Variants in PKD1L1 observed in about 807,000 individuals in gnomAD.
PKD1L1 encodes the protein polycystin-1-like protein 1.
Under a neutral mutation model 323.4 loss-of-function variants are expected in PKD1L1, and 236 were observed. That is an observed-to-expected ratio of 0.73 (90% CI 0.66 to 0.81). PKD1L1 has a LOEUF of 0.81. Among genes scored for constraint, PKD1L1 ranks in the 40% least tolerant of loss-of-function variants. The pLI is 0.00. For missense variants in PKD1L1, 3,320 were observed against 3,508.0 expected, an observed-to-expected ratio of 0.95 and a Z score of 1.35; for synonymous variants, 1,344 against 1,335.0, an observed-to-expected ratio of 1.01 and a Z score of -0.15.
intron 21 of PKD1L1, among the ~76,000 whole-genome samples, chr7:47,880,284 A>ATATATATTTTTTTTTTTTT (rs1225214936): frequency 7.0e-5 from 4 of 56,776 alleles, no homozygotes; most frequent in Non-Finnish European, 1.1e-4. Context: ...ATATATATAT[A>ATATATATTTTTTTTTTTTT]TTTTTTTTTT....
chr7:47,892,628 C>T (rs1786846161), intron 15 of PKD1L1, among the ~76,000 whole-genome samples: 1 of 152,160 alleles, frequency 6.6e-6, no homozygotes, highest in South Asian at 2.1e-4. Context: ...GGAATGGTTA[C>T]ATTAACAGTC....
At chr7:47,813,076 GC>G (rs778100382) in intron 49 of PKD1L1, 44 bp downstream of exon 49, 1 of 1,582,892 alleles carries the variant, frequency 6.3e-7, no homozygotes, top group South Asian at 1.2e-5. Context: ...AGCTGGAGTG[GC>G]GGTGGCAGGC....
In PKD1L1 at chr7:47,803,329, G is replaced by C; in HGVS notation, c.7843C>G (p.Arg2615Gly). The change falls in exon 53 of 57, where the codon CGG (arginine) becomes GGG (glycine). Residue 2615 changes from arginine to glycine, a missense_variant. By Grantham distance (125) the Arg-to-Gly change is moderately radical. Transcript: ENST00000289672. The part of the protein sequence containing the change: ...ASWNQRARWL[R>G]GILLFLFTLK... ...GTGAAGAGGAATAAGAGGATTCCCCGGAGCCATCGAGCCCTCTGAGACAGA... is the reference window on the plus strand; with the variant it reads ...GTGAAGAGGAATAAGAGGATTCCCCCGAGCCATCGAGCCCTCTGAGACAGA... 2 of 1,613,906 alleles carry C rather than the reference G, an allele frequency of 1.2e-6. No individual in the cohort carries two copies. Among genetic ancestry groups the C allele is most frequent in the Non-Finnish European group, 1.7e-6 (2 of 1,179,982 alleles).
intron 45 of PKD1L1, among the ~76,000 whole-genome samples, chr7:47,824,481 C>G (rs1477333394): frequency 6.6e-6 from 1 of 152,062 alleles, no homozygotes; most frequent in African/African-American, 2.4e-5. Context: ...TTGGTGAAAA[C>G]AGCTTTAGAG....
chr7:47,808,810 G>A (rs1278673264), intron 51 of PKD1L1, among the ~76,000 whole-genome samples: 1 of 152,168 alleles, frequency 6.6e-6, no homozygotes, highest in African/African-American at 2.4e-5. Flanking sequence ...AGTGGCTCTG[G>A]GTGAGGCACT....
At chr7:47,922,747 G>A (rs1376523148) in intron 7 of PKD1L1, among the ~76,000 whole-genome samples, 1 of 151,160 alleles carries the variant, frequency 6.6e-6, no homozygotes, top group East Asian at 2.0e-4. Context: ...GCCCCGTTGG[G>A]GAGGTGGGGG....
chr7:47,807,036 C>G (rs1468507261), intron 52 of PKD1L1, among the ~76,000 whole-genome samples: 1 of 152,166 alleles, frequency 6.6e-6, no homozygotes, highest in Non-Finnish European at 1.5e-5. Flanking sequence ...TCTGTCCACC[C>G]TGGTCAGCTT....
chr7:47,890,491 G>T, intron 16 of PKD1L1, 51 bp downstream of exon 16: 2 of 1,566,658 alleles, frequency 1.3e-6, no homozygotes, highest in Non-Finnish European at 8.8e-7. Flanking sequence ...CTAGCACCAG[G>T]TGGGAACAAA....
chr7:47,950,700 C>T (rs1036701495), upstream of PKD1L1, among the ~76,000 whole-genome samples: 7 of 148,402 alleles, frequency 4.7e-5, no homozygotes, highest in Non-Finnish European at 7.4e-5. Flanking sequence ...ATGAGCGAAA[C>T]TCTTGTCTCA....
chr7:47,803,360 A>T lies in PKD1L1; in HGVS notation c.7828-16T>A. ...ATCGAGCCCTCTGAGACAGAAGAACATAACAGTCAGTGTGCCATGCCAGTC... is the reference window on the plus strand; with the variant it reads ...ATCGAGCCCTCTGAGACAGAAGAACTTAACAGTCAGTGTGCCATGCCAGTC... On this transcript the variant is annotated splice_polypyrimidine_tract_variant and intron_variant, in intron 52 of 56. Transcript: ENST00000289672. 1 of 1,612,998 alleles carries T rather than the reference A, an allele frequency of 6.2e-7. No individual in the cohort carries two copies. Among genetic ancestry groups the T allele is most frequent in the Non-Finnish European group, 8.5e-7 (1 of 1,179,722 alleles).
chr7:47,933,597 G>C (rs538640573), intron 4 of PKD1L1, among the ~76,000 whole-genome samples: 20 of 152,246 alleles, frequency 1.3e-4, no homozygotes, highest in African/African-American at 4.8e-4. Flanking sequence ...GGGCCGCCCT[G>C]TTTGTCCCCA....
At chr7:47,931,461 C>A in intron 5 of PKD1L1, 140 bp from the exon 6 acceptor site, 1 of 859,698 alleles carries the variant, frequency 1.2e-6, no homozygotes, top group Non-Finnish European at 1.8e-6. Context: ...TGGGTGACCA[C>A]AAATTGGCCC....
At chr7:47,937,066 T>G (rs570320652) in intron 3 of PKD1L1, 108 bp from the exon 4 acceptor site, 6 of 832,646 alleles carry the variant, frequency 7.2e-6, no homozygotes, top group African/African-American at 5.1e-5. Flanking sequence ...ACCCCTGCTG[T>G]GCGCCCAGCA....
intron 46 of PKD1L1, chr7:47,819,408 A>C: frequency 2.0e-6 from 1 of 511,884 alleles, no homozygotes; most frequent in Non-Finnish European, 3.1e-6. Flanking sequence ...GACTTGTGAA[A>C]TGTGAGATGA....
intron 45 of PKD1L1, 84 bp downstream of exon 45, chr7:47,827,266 C>G (rs1785255265): frequency 2.7e-5 from 33 of 1,220,664 alleles, no homozygotes; most frequent in Non-Finnish European, 3.7e-5. Context: ...AACAATCTCC[C>G]AGGAGGACCA....
At chr7:47,860,883 T>C (rs963085665) in intron 26 of PKD1L1, among the ~76,000 whole-genome samples, 4 of 152,294 alleles carry the variant, frequency 2.6e-5, no homozygotes, top group African/African-American at 9.6e-5. Context: ...GGGTCATCGA[T>C]GGGAAGTAAT....
At chr7:47,843,861 C>T (rs150657322) in intron 33 of PKD1L1, among the ~76,000 whole-genome samples, 206 of 152,268 alleles carry the variant, frequency 1.4e-3, no homozygotes, top group African/African-American at 4.8e-3. Flanking sequence ...GGATGTTGCC[C>T]GCCCCATCCC....
At chr7:47,932,829 C>CAAGA (rs1387403015) in intron 4 of PKD1L1, among the ~76,000 whole-genome samples, 5 of 152,196 alleles carry the variant, frequency 3.3e-5, no homozygotes, top group African/African-American at 1.2e-4. Flanking sequence ...GAGAAAAATC[C>CAAGA]AAGACAAGTA....
intron 56 of PKD1L1, among the ~76,000 whole-genome samples, chr7:47,775,784 G>A (rs953745843): frequency 1.4e-5 from 2 of 143,386 alleles, no homozygotes; most frequent in African/African-American, 5.2e-5. Context: ...AAATACTAAA[G>A]ATCAAAGCAG....
Sources: allele counts gnomAD v4.1 joint callset (sites outside exome capture counted in the v4.1 genomes callset), GRCh38; gene constraint gnomAD v4.1.1; transcripts MANE v1.5; gene names NCBI Gene and HGNC (gene_info 2026-07-23, HGNC 2026-07-21).